The following SNHG17 variants were observed in gnomAD, a reference collection of about 807,000 sequenced individuals.
The protein encoded by SNHG17 is small nucleolar RNA host gene 17, also known as small nucleolar RNA host gene 17 (non-protein coding).
chr20:38,434,998 G>A, intron 1 of SNHG17: 1 of 1,229,948 alleles, frequency 8.1e-7, no homozygotes, highest in Non-Finnish European at 1.0e-6. Context: ...GGCCCGCTCA[G>A]CACTGCCGCG....
At chr20:38,427,218 A>G (rs966860486) in intron 3 of SNHG17, 8 of 372,836 alleles carry the variant, frequency 2.1e-5, no homozygotes, top group Non-Finnish European at 4.3e-5. Flanking sequence ...GCTGAGAAAG[A>G]CTTAAGCATG....
At chr20:38,426,995 T>TACACACACACACACACACACACACAC (rs765781057) in intron 3 of SNHG17, among the ~76,000 whole-genome samples, 30 of 125,644 alleles carry the variant, frequency 2.4e-4, no homozygotes, top group African/African-American at 8.0e-4. Flanking sequence ...AAGTTACACA[T>TACACACACACACACACACACACACAC]ACACACACAC....
chr20:38,430,430 G>A (rs1021584495), intron 3 of SNHG17, among the ~76,000 whole-genome samples: 10 of 151,608 alleles, frequency 6.6e-5, no homozygotes, highest in African/African-American at 1.2e-4. Context: ...AGGAGTTCGC[G>A]ATCAGCCTGG....
intron 5 of SNHG17, among the ~76,000 whole-genome samples, chr20:38,423,017 G>C (rs1188448090): frequency 6.6e-6 from 1 of 151,400 alleles, no homozygotes; most frequent in Non-Finnish European, 1.5e-5. Context: ...ACTTGAACCT[G>C]GGAGGTGGAG....
At chr20:38,432,284 C>T (rs1029941443) in intron 2 of SNHG17, 2 of 448,518 alleles carry the variant, frequency 4.5e-6, no homozygotes, top group African/African-American at 4.3e-5. Flanking sequence ...TAAGTCTCAT[C>T]TTATGCACAT....
chr20:38,435,191 A>T, intron 1 of SNHG17: 14 of 1,232,072 alleles, frequency 1.1e-5, no homozygotes, highest in Non-Finnish European at 1.3e-5. Context: ...CCTGCTGTGG[A>T]CTCACCCGGC....
chr20:38,426,305 T>C (rs2122699614), intron 4 of SNHG17: 1 of 152,374 alleles, frequency 6.6e-6, no homozygotes, highest in Middle Eastern at 3.4e-3. Flanking sequence ...TGGGCCTCAG[T>C]GGAAGAGCAA....
chr20:38,424,184 T>A (rs574437171), intron 5 of SNHG17, among the ~76,000 whole-genome samples: 64 of 145,634 alleles, frequency 4.4e-4, no homozygotes, highest in African/African-American at 1.1e-3. Context: ...AAAAAAAAAT[T>A]AAAAAAAAAA....
chr20:38,425,113 CT>C (rs1034644660), intron 5 of SNHG17: 8 of 442,090 alleles, frequency 1.8e-5, no homozygotes, highest in Non-Finnish European at 3.3e-5. Flanking sequence ...CCTGTTGAAC[CT>C]GGTGCCATCC....
At chr20:38,434,735 C>A in intron 1 of SNHG17, 2 of 583,500 alleles carry the variant, frequency 3.4e-6, no homozygotes, top group Non-Finnish European at 4.4e-6. Flanking sequence ...TAAACCACAG[C>A]TAACTGGTCT....
chr20:38,430,447 C>A (rs1463170858), intron 3 of SNHG17, among the ~76,000 whole-genome samples: 1 of 151,814 alleles, frequency 6.6e-6, no homozygotes, highest in Non-Finnish European at 1.5e-5. Flanking sequence ...CTGGCCAACA[C>A]CATCTCTACT....
At chr20:38,435,008 G>C in intron 1 of SNHG17, 1 of 1,230,136 alleles carries the variant, frequency 8.1e-7, no homozygotes, top group Non-Finnish European at 1.0e-6. Flanking sequence ...GCACTGCCGC[G>C]GCCAAGGGCG....
At chr20:38,421,169 TG>T (rs1327925166) in intron 6 of SNHG17, 1 of 152,314 alleles carries the variant, frequency 6.6e-6, no homozygotes, top group Non-Finnish European at 1.5e-5. Context: ...CTGACACCAC[TG>T]AGAGGGGTCC....
At chr20:38,432,557 C>T (rs2084357094) in intron 2 of SNHG17, among the ~76,000 whole-genome samples, 1 of 152,182 alleles carries the variant, frequency 6.6e-6, no homozygotes, top group African/African-American at 2.4e-5. Context: ...GGCCCACGGA[C>T]AAGACCGTCA....
chr20:38,429,854 G>A (rs760643298), intron 3 of SNHG17: 26 of 509,426 alleles, frequency 5.1e-5, no homozygotes, highest in South Asian at 2.1e-4. Context: ...CTGGCATTCC[G>A]GGCAATGGTC....
chr20:38,435,034 T>G, intron 1 of SNHG17: 1 of 1,231,076 alleles, frequency 8.1e-7, no homozygotes, highest in African/African-American at 1.6e-5. Context: ...CACCTGCCAG[T>G]GTCTTTCCCG....
chr20:38,424,281 G>A (rs1311666717), intron 5 of SNHG17, among the ~76,000 whole-genome samples: 1 of 152,216 alleles, frequency 6.6e-6, no homozygotes. Context: ...GTAATGAACA[G>A]GTGGGGTGGG....
chr20:38,426,055 CAAAAA>C (rs3073133), intron 4 of SNHG17: 20,630 of 82,962 alleles, frequency 0.25, 1,756 homozygotes, highest in African/African-American at 0.29. Context: ...GACCCTGCCT[CAAAAA>C]AAAAAAAAAA....
intron 5 of SNHG17, chr20:38,425,871 A>T (rs1179953434): frequency 1.3e-5 from 2 of 153,658 alleles, no homozygotes; most frequent in Non-Finnish European, 2.9e-5. Context: ...GAGCCCAAGC[A>T]ACATGGTGAG....
Sources: gnomAD v4.1 joint callset for allele counts (sites outside exome capture counted in the v4.1 genomes callset) on GRCh38, gnomAD v4.1.1 for gene constraint, MANE v1.5 for transcripts, NCBI Gene and HGNC (gene_info 2026-07-23, HGNC 2026-07-21) for gene names.